DLG2: variants seen among roughly 807,000 people sequenced by gnomAD.
The protein encoded by DLG2 is disks large homolog 2.
A neutral mutation model predicts 132.5 loss-of-function variants in DLG2; 45 were observed. That is an observed-to-expected ratio of 0.34 (90% confidence interval 0.27 to 0.44). The LOEUF is 0.44. DLG2 is among the 20% of genes least tolerant of loss of function. DLG2 has a pLI of 1.00. For missense variants in DLG2, 1,045 were observed against 1,196.9 expected (o/e 0.87, Z 1.87); for synonymous variants, 424 against 419.6 (o/e 1.01, Z -0.13).
At chr11:83,996,505 A>G (rs935943939) in intron 11 of DLG2, among the ~76,000 whole-genome samples, 3 of 152,228 alleles carry the variant, frequency 2.0e-5, no homozygotes, top group Non-Finnish European at 4.4e-5. Flanking sequence ...TACTGAAGCG[A>G]TATCTGCACT....
At chr11:85,179,927 G>A (rs1335174736) in intron 4 of DLG2, among the ~76,000 whole-genome samples, 2 of 151,904 alleles carry the variant, frequency 1.3e-5, no homozygotes, top group Non-Finnish European at 2.9e-5. Context: ...TAAGCATATT[G>A]AGATTTAAAG....
intron 3 of DLG2, among the ~76,000 whole-genome samples, chr11:85,543,737 G>C (rs1199972840): frequency 6.6e-6 from 1 of 152,214 alleles, no homozygotes; most frequent in African/African-American, 2.4e-5. Context: ...CTAATGACCA[G>C]TGATGATGAG....
intron 4 of DLG2, among the ~76,000 whole-genome samples, chr11:85,174,203 T>C (rs1376299731): frequency 6.6e-6 from 1 of 152,138 alleles, no homozygotes; most frequent in Non-Finnish European, 1.5e-5. Context: ...TACTCCAAAA[T>C]TGATCACATA....
intron 7 of DLG2, among the ~76,000 whole-genome samples, chr11:84,378,578 T>G (rs1220935691): frequency 1.3e-5 from 2 of 151,946 alleles, no homozygotes; most frequent in African/African-American, 4.8e-5. Context: ...TAATCACAAC[T>G]TGGCCCTTTT....
At chr11:85,063,422 C>T (rs2154161005) in intron 6 of DLG2, among the ~76,000 whole-genome samples, 1 of 151,942 alleles carries the variant, frequency 6.6e-6, no homozygotes, top group South Asian at 2.1e-4. Context: ...TTCCCAATAT[C>T]AAGTAATGGA....
chr11:84,334,155 T>C (rs1362659061), intron 7 of DLG2, among the ~76,000 whole-genome samples: 1 of 152,022 alleles, frequency 6.6e-6, no homozygotes, highest in Non-Finnish European at 1.5e-5. Flanking sequence ...AAAACCTTCT[T>C]TTATAAGAGT....
intron 6 of DLG2, among the ~76,000 whole-genome samples, chr11:84,770,835 G>C (rs1205557080): frequency 6.6e-6 from 1 of 150,654 alleles, no homozygotes; most frequent in African/African-American, 2.4e-5. Context: ...TTTAAGTAAG[G>C]ACAGGGTTTC....
rs192129404 is a variant in DLG2 at position 83,813,747 on chromosome 11, C to A, written c.1722+19867G>T. On this transcript the variant is annotated intron_variant, in intron 17 of 27. Transcript: ENST00000376104. The stretch of plus-strand genomic sequence containing the variant: ...CCTTCATTTCTGCAGAATGGTCTTG[C>A]AAGTGCTTTATCAACAAAAACAACA... Among the ~76,000 whole-genome samples the A allele has an allele frequency of 1.3e-4, 20 of 152,206 alleles. No homozygotes were observed. The East Asian group carries it at 3.5e-3, about 26-fold the overall frequency.
chr11:84,655,345 A>G (rs956179621), intron 6 of DLG2, among the ~76,000 whole-genome samples: 1 of 152,174 alleles, frequency 6.6e-6, no homozygotes, highest in Non-Finnish European at 1.5e-5. Context: ...CTTTGACTCC[A>G]TATGCTTTAA....
chr11:83,554,513 CAAT>C (rs1293395406), intron 19 of DLG2, among the ~76,000 whole-genome samples: 1 of 152,094 alleles, frequency 6.6e-6, no homozygotes, highest in African/African-American at 2.4e-5. Flanking sequence ...GAAAAAATTG[CAAT>C]AATAATATGT....
At chr11:84,945,358 C>A (rs556346095) in intron 6 of DLG2, among the ~76,000 whole-genome samples, 17 of 152,132 alleles carry the variant, frequency 1.1e-4, no homozygotes, top group Non-Finnish European at 2.5e-4. Flanking sequence ...AGGAGAATTC[C>A]TGAGATTACC....
chr11:85,156,403 T>C (rs898591729), intron 4 of DLG2, among the ~76,000 whole-genome samples: 1 of 152,158 alleles, frequency 6.6e-6, no homozygotes, highest in East Asian at 1.9e-4. Flanking sequence ...TTAAATTAGA[T>C]GAAAAGTTGA....
At chr11:83,850,735 T>G (rs956154773) in intron 16 of DLG2, among the ~76,000 whole-genome samples, 2 of 152,174 alleles carry the variant, frequency 1.3e-5, no homozygotes, top group Non-Finnish European at 2.9e-5. Context: ...TTGCATATAC[T>G]TTCTTCATTC....
chr11:83,505,991 T>G (rs891456684), intron 21 of DLG2, among the ~76,000 whole-genome samples: 6 of 152,188 alleles, frequency 3.9e-5, no homozygotes, highest in African/African-American at 1.4e-4. Flanking sequence ...GTAACTTACT[T>G]GTGCCTTCAG....
chr11:84,262,392 G>A (rs2097558313), intron 7 of DLG2, among the ~76,000 whole-genome samples: 1 of 152,152 alleles, frequency 6.6e-6, no homozygotes, highest in Non-Finnish European at 1.5e-5. Flanking sequence ...AAAGCAAAAT[G>A]ACATCTACAG....
chr11:84,253,202 G>T (rs1373499838), intron 7 of DLG2, among the ~76,000 whole-genome samples: 1 of 152,062 alleles, frequency 6.6e-6, no homozygotes, highest in Non-Finnish European at 1.5e-5. Flanking sequence ...ATGTAGAGAA[G>T]AGAAAAAGGT....
At chr11:84,420,632 G>GTGACCAATGC (rs2098945653) in intron 7 of DLG2, among the ~76,000 whole-genome samples, 1 of 134,496 alleles carries the variant, frequency 7.4e-6, no homozygotes, top group Non-Finnish European at 1.6e-5. Flanking sequence ...CCTCAGCACA[G>GTGACCAATGC]TGACCAATGC....
chr11:84,275,813 T>C (rs1341634934), intron 7 of DLG2, among the ~76,000 whole-genome samples: 2 of 152,196 alleles, frequency 1.3e-5, no homozygotes, highest in Non-Finnish European at 2.9e-5. Flanking sequence ...ATAAACTATT[T>C]AGAAAGCAAT....
chr11:84,618,548 G>C (rs1386685807), intron 6 of DLG2, among the ~76,000 whole-genome samples: 1 of 151,956 alleles, frequency 6.6e-6, no homozygotes, highest in Non-Finnish European at 1.5e-5. Flanking sequence ...AGCATGCCCA[G>C]AGGAAAAATA....
Sources: gnomAD v4.1 joint callset for allele counts (sites outside exome capture counted in the v4.1 genomes callset) on GRCh38, gnomAD v4.1.1 for gene constraint, MANE v1.5 for transcripts, NCBI Gene and HGNC (gene_info 2026-07-23, HGNC 2026-07-21) for gene names.